PPP2R2C: variants seen among roughly 807,000 people sequenced by gnomAD.
The protein encoded by PPP2R2C is protein phosphatase 2, regulatory subunit B, gamma.
PPP2R2C carries 10 observed loss-of-function variants against 45.3 expected under a neutral mutation model. That is an observed-to-expected ratio of 0.22 (90% confidence interval 0.14 to 0.37). PPP2R2C has a LOEUF of 0.37. Among genes scored for constraint, PPP2R2C ranks in the 10% least tolerant of loss-of-function variants. The pLI is 1.00. For synonymous variants in PPP2R2C, 257 were observed against 245.4 expected, an observed-to-expected ratio of 1.05 and a Z score of -0.44; for missense variants, 308 against 619.7, an observed-to-expected ratio of 0.50 and a Z score of 5.34.
At chr4:6,453,362 G>A (rs993706498) in intron 1 of PPP2R2C, among the ~76,000 whole-genome samples, 1 of 152,140 alleles carries the variant, frequency 6.6e-6, no homozygotes, top group Non-Finnish European at 1.5e-5. Context: ...AAGGAGCGGC[G>A]TCAGGACTTG....
chr4:6,531,538 G>A (rs561338420), intron 2 of PPP2R2C, among the ~76,000 whole-genome samples: 1 of 147,264 alleles, frequency 6.8e-6, no homozygotes, highest in East Asian at 2.0e-4. Flanking sequence ...GCAGAATCAT[G>A]TCTGTGTTTC....
intron 1 of PPP2R2C, among the ~76,000 whole-genome samples, chr4:6,410,888 A>T (rs185882336): frequency 1.1e-4 from 17 of 150,212 alleles, no homozygotes; most frequent in African/African-American, 3.9e-4. Flanking sequence ...TTTATTTATT[A>T]GACAGAGTCT....
At chr4:6,540,738 G>A (rs1454272008) in intron 1 of PPP2R2C, among the ~76,000 whole-genome samples, 1 of 152,244 alleles carries the variant, frequency 6.6e-6, no homozygotes, top group Non-Finnish European at 1.5e-5. Flanking sequence ...GAAGATGGGT[G>A]TGCTCAGAAT....
At chr4:6,356,296 G>C (rs938321285) in intron 5 of PPP2R2C, among the ~76,000 whole-genome samples, 1 of 152,200 alleles carries the variant, frequency 6.6e-6, no homozygotes, top group Non-Finnish European at 1.5e-5. Context: ...GACTAGCTTC[G>C]CATCTGTAGC....
intron 2 of PPP2R2C, among the ~76,000 whole-genome samples, chr4:6,533,497 G>A (rs1351449839): frequency 6.6e-6 from 1 of 152,194 alleles, no homozygotes; most frequent in Non-Finnish European, 1.5e-5. Context: ...GGTACCCACA[G>A]CCCCGATACC....
At chr4:6,439,695 T>G (rs1003044001) in intron 1 of PPP2R2C, among the ~76,000 whole-genome samples, 1 of 152,160 alleles carries the variant, frequency 6.6e-6, no homozygotes, top group South Asian at 2.1e-4. Context: ...GAGGTCTTCC[T>G]AAACTAAAGA....
intron 5 of PPP2R2C, among the ~76,000 whole-genome samples, chr4:6,369,480 TAAAG>T (rs907073526): frequency 6.6e-6 from 1 of 152,224 alleles, no homozygotes; most frequent in African/African-American, 2.4e-5. Context: ...CAACTTGACT[TAAAG>T]AAAACAATTT....
At chr4:6,464,071 C>T (rs1465265643) in intron 1 of PPP2R2C, among the ~76,000 whole-genome samples, 2 of 152,160 alleles carry the variant, frequency 1.3e-5, no homozygotes, top group Non-Finnish European at 2.9e-5. Context: ...AACTATGTGA[C>T]ATTGAACAAG....
intron 2 of PPP2R2C, among the ~76,000 whole-genome samples, chr4:6,513,825 C>T (rs1723749172): frequency 6.6e-6 from 1 of 152,236 alleles, no homozygotes; most frequent in African/African-American, 2.4e-5. Flanking sequence ...CTCCTCCCCA[C>T]TTGGCTCAGT....
At chr4:6,480,692 C>A (rs1011944499) in intron 2 of PPP2R2C, among the ~76,000 whole-genome samples, 29 of 152,174 alleles carry the variant, frequency 1.9e-4, no homozygotes, top group African/African-American at 7.0e-4. Flanking sequence ...GAGGGCGAGA[C>A]CACTGAGTCA....
rs1732194226 is a variant in PPP2R2C at position 6,329,179 on chromosome 4, T to A, written c.1052+83A>T. The A allele has an allele frequency of 1.5e-6, 2 of 1,334,678 alleles. No homozygotes were observed. Among genetic ancestry groups the A allele is most frequent in the East Asian group, 4.8e-5 (2 of 41,880 alleles). 82.7% of individuals were successfully genotyped at this position (1,334,678 alleles called of 1,614,324 possible). A position where few individuals can be genotyped will look rare whatever the true frequency, so the allele number is the denominator to read the frequency against. ...AGGCTGAGTAGCCCCATGCTGCGGG[T>A]CACCGGAATCCCAGCCCAGACCCCT... is the stretch of plus-strand genomic sequence containing the variant. On this transcript the variant is annotated intron_variant, in intron 8 of 8. Coordinates refer to ENST00000382599, the MANE Select transcript of PPP2R2C (RefSeq NM_020416.4). This position sits in a 1 kb window ranked among gnomAD's most constrained non-coding sequence, Gnocchi z 5.8.
chr4:6,509,642 C>T (rs1439141015), intron 2 of PPP2R2C, among the ~76,000 whole-genome samples: 2 of 152,208 alleles, frequency 1.3e-5, no homozygotes, highest in Admixed American at 6.5e-5. Flanking sequence ...TTTCAGAGAG[C>T]TCAACCCTGC....
intron 1 of PPP2R2C, among the ~76,000 whole-genome samples, chr4:6,413,396 T>C (rs1374336726): frequency 6.6e-6 from 1 of 152,258 alleles, no homozygotes; most frequent in Non-Finnish European, 1.5e-5. Context: ...GAACTGCCTG[T>C]TCCTTCAGCT....
intron 2 of PPP2R2C, among the ~76,000 whole-genome samples, chr4:6,532,269 G>A (rs1724429954): frequency 6.6e-6 from 1 of 152,250 alleles, no homozygotes; most frequent in African/African-American, 2.4e-5. Context: ...GGGCCGTGAA[G>A]GCTCAGAGAG....
chr4:6,434,483 C>G (rs1344868291), intron 1 of PPP2R2C, among the ~76,000 whole-genome samples: 1 of 151,238 alleles, frequency 6.6e-6, no homozygotes, highest in Admixed American at 6.6e-5. Context: ...CTCAGCCTCC[C>G]AAGTACCTAA....
intron 5 of PPP2R2C, among the ~76,000 whole-genome samples, chr4:6,355,789 G>T (rs1018151105): frequency 6.6e-5 from 10 of 151,794 alleles, no homozygotes; most frequent in African/African-American, 2.2e-4. Flanking sequence ...TCAGGAGTTT[G>T]AGACCAGCCT....
At chr4:6,343,150 T>C (rs1483029194) in intron 6 of PPP2R2C, among the ~76,000 whole-genome samples, 3 of 152,180 alleles carry the variant, frequency 2.0e-5, no homozygotes, top group Non-Finnish European at 4.4e-5. Flanking sequence ...ACCTGCTAAT[T>C]GGAAAGCGGC....
At chr4:6,525,781 G>C (rs1483381932) in intron 2 of PPP2R2C, among the ~76,000 whole-genome samples, 1 of 152,130 alleles carries the variant, frequency 6.6e-6, no homozygotes. Flanking sequence ...TCCACTCACT[G>C]CAACCTCTGC....
intron 5 of PPP2R2C, chr4:6,350,417 G>C: frequency 4.1e-6 from 4 of 985,448 alleles, no homozygotes; most frequent in Non-Finnish European, 4.8e-6. Flanking sequence ...GTGCAGTAGA[G>C]AGGCAGGGCA....
Sources: allele counts gnomAD v4.1 joint callset (sites outside exome capture counted in the v4.1 genomes callset), GRCh38; gene constraint gnomAD v4.1.1; non-coding constraint Gnocchi (gnomAD v3.1); transcripts MANE v1.5; gene names NCBI Gene and HGNC (gene_info 2026-07-23, HGNC 2026-07-21).